BMPR1B: variants seen among roughly 807,000 people sequenced by gnomAD.
BMPR1B encodes bone morphogenetic protein receptor type 1B, also known as bone morphogenetic protein receptor type-1B.
A neutral mutation model predicts 59.1 loss-of-function variants in BMPR1B; 12 were observed. That is an observed-to-expected ratio of 0.20 (90% CI 0.13 to 0.33). The LOEUF is 0.33. Among genes scored for constraint, BMPR1B ranks in the 10% least tolerant of loss-of-function variants. The pLI is 1.00. For synonymous variants in BMPR1B, 237 were observed against 207.3 expected (o/e 1.14, Z -1.23); for missense variants, 550 against 610.9 (o/e 0.90, Z 1.05).
At chr4:94,940,076 A>G (rs1457166533) in intron 2 of BMPR1B, among the ~76,000 whole-genome samples, 1 of 152,222 alleles carries the variant, frequency 6.6e-6, no homozygotes, top group Non-Finnish European at 1.5e-5. Flanking sequence ...GTATTATTAT[A>G]TTGTAAAAAA....
chr4:95,148,499 C>T (rs1209096592), intron 10 of BMPR1B, among the ~76,000 whole-genome samples: 1 of 152,040 alleles, frequency 6.6e-6, no homozygotes, highest in African/African-American at 2.4e-5. Flanking sequence ...TATCCTTCCA[C>T]CTCAGCCTCC....
intron 10 of BMPR1B, among the ~76,000 whole-genome samples, chr4:95,141,784 G>A (rs1734246897): frequency 6.6e-6 from 1 of 152,062 alleles, no homozygotes; most frequent in African/African-American, 2.4e-5. Flanking sequence ...TCCTGGCTTA[G>A]GGCTCTCTGG....
At chr4:94,942,014 A>G (rs367665402) in intron 2 of BMPR1B, among the ~76,000 whole-genome samples, 4 of 152,244 alleles carry the variant, frequency 2.6e-5, no homozygotes, top group South Asian at 4.1e-4. Flanking sequence ...TCTTTGGCAC[A>G]GGCAAAAGAC....
rs552456882 is a variant in BMPR1B at position 94,861,787 on chromosome 4, T to A, written c.-182-14044T>A. On this transcript the variant is annotated intron_variant, in intron 1 of 12. Coordinates refer to ENST00000515059, the MANE Select transcript of BMPR1B (RefSeq NM_001203.3). ...ATTTTCCAAAAGAGAAATTTAGAAA[T>A]GATGATATAGGTCAGAGTAGATTGA... is the stretch of plus-strand genomic sequence containing the variant. Among the ~76,000 whole-genome samples the A allele has an allele frequency of 2.0e-5, 3 of 152,284 alleles. No homozygotes were observed. In the South Asian group the frequency reaches 6.2e-4, roughly 32 times the overall value.
chr4:95,115,836 A>G (rs1489740035), intron 6 of BMPR1B, 49 bp downstream of exon 6: 6 of 1,510,534 alleles, frequency 4.0e-6, no homozygotes, highest in South Asian at 1.1e-5. Context: ...TATCATGAAA[A>G]TAAAAACTAA....
chr4:94,806,861 T>G lies in BMPR1B; in HGVS notation c.-183+48793T>G, dbSNP rs139420442. On this transcript the variant is annotated intron_variant, in intron 1 of 12. Transcript: ENST00000515059. ...TTTAACTGAGCTTCTTGTGTTTTTT[T>G]GGCAAATCTGGGGACTGAATTACTA... 7.2e-3 allele frequency among the ~76,000 whole-genome samples: 1,092 copies of G among 152,302 alleles called. 10 individuals are homozygous for G. The highest frequency in any genetic ancestry group is 7.8e-3 in the Non-Finnish European group (528 of 68,032).
At chr4:94,995,008 C>G (rs2149101858) in intron 2 of BMPR1B, among the ~76,000 whole-genome samples, 1 of 152,152 alleles carries the variant, frequency 6.6e-6, no homozygotes, top group South Asian at 2.1e-4. Context: ...TTTCCTTTAC[C>G]TTTGATTTAA....
chr4:94,766,918 T>C (rs888888184), intron 1 of BMPR1B, among the ~76,000 whole-genome samples: 1 of 152,194 alleles, frequency 6.6e-6, no homozygotes, highest in African/African-American at 2.4e-5. Flanking sequence ...AGAGACAATA[T>C]GAAAATAAAA....
chr4:94,831,430 G>C (rs1370554646), intron 1 of BMPR1B, among the ~76,000 whole-genome samples: 2 of 152,078 alleles, frequency 1.3e-5, no homozygotes, highest in Admixed American at 6.6e-5. Context: ...TTATAACATA[G>C]ATTAGTTAAA....
At chr4:95,135,196 C>A (rs11097456) in intron 10 of BMPR1B, among the ~76,000 whole-genome samples, 3 of 151,752 alleles carry the variant, frequency 2.0e-5, no homozygotes, top group African/African-American at 7.3e-5. Context: ...ATTTCTGAGG[C>A]CTCTGTTCTG....
chr4:94,845,563 C>T (rs1007880907), intron 1 of BMPR1B, among the ~76,000 whole-genome samples: 5 of 152,060 alleles, frequency 3.3e-5, no homozygotes, highest in Admixed American at 6.6e-5. Flanking sequence ...AGGATGGTCT[C>T]GATCTCCTGA....
At chr4:94,806,181 A>G (rs1236387402) in intron 1 of BMPR1B, among the ~76,000 whole-genome samples, 2 of 152,160 alleles carry the variant, frequency 1.3e-5, no homozygotes, top group Non-Finnish European at 2.9e-5. Context: ...TCACGGTGTC[A>G]AGTTGATTGT....
chr4:94,925,998 C>G (rs77421020), intron 2 of BMPR1B, among the ~76,000 whole-genome samples: 1,973 of 143,924 alleles, frequency 0.014, 49 homozygotes, highest in African/African-American at 0.043. Context: ...CCCTTTCCTC[C>G]TCTTTCCTCC....
chr4:94,845,844 A>G (rs997071207), intron 1 of BMPR1B, among the ~76,000 whole-genome samples: 1 of 152,224 alleles, frequency 6.6e-6, no homozygotes, highest in Non-Finnish European at 1.5e-5. Context: ...AAGAAGAAAT[A>G]GCCAGAAAGT....
At chr4:95,051,117 A>G (rs1726467382) in intron 3 of BMPR1B, among the ~76,000 whole-genome samples, 1 of 152,204 alleles carries the variant, frequency 6.6e-6, no homozygotes, top group African/African-American at 2.4e-5. Context: ...ACTTGATTCA[A>G]GGGTATTCAC....
intron 2 of BMPR1B, among the ~76,000 whole-genome samples, chr4:94,919,884 A>T (rs1291278065): frequency 6.6e-6 from 1 of 152,218 alleles, no homozygotes; most frequent in Non-Finnish European, 1.5e-5. Context: ...TCTGGAAAAT[A>T]CTGATGAATA....
At chr4:94,853,745 C>G (rs562753212) in intron 1 of BMPR1B, among the ~76,000 whole-genome samples, 50 of 152,198 alleles carry the variant, frequency 3.3e-4, no homozygotes, top group Non-Finnish European at 2.2e-4. Context: ...TCACACCTCA[C>G]CCTCCATTTC....
chr4:95,014,433 G>A (rs568209487), intron 3 of BMPR1B, among the ~76,000 whole-genome samples: 13 of 152,238 alleles, frequency 8.5e-5, no homozygotes, highest in Admixed American at 2.6e-4. Context: ...AAAAAAGCCT[G>A]ACCTGTTTAA....
intron 1 of BMPR1B, among the ~76,000 whole-genome samples, chr4:94,820,016 A>G (rs1477681222): frequency 6.6e-6 from 1 of 152,172 alleles, no homozygotes; most frequent in Admixed American, 6.5e-5. Context: ...TTGTGTCATA[A>G]TTAGTGAGTA....
Sources: allele counts gnomAD v4.1 joint callset (sites outside exome capture counted in the v4.1 genomes callset), GRCh38; gene constraint gnomAD v4.1.1; transcripts MANE v1.5; gene names NCBI Gene and HGNC (gene_info 2026-07-23, HGNC 2026-07-21).